MYH9: variants seen among roughly 807,000 people sequenced by gnomAD.
MYH9 encodes the protein myosin-9.
In MYH9, 29 loss-of-function variants were observed where a neutral mutation model predicts 241.9. The observed-to-expected ratio is 0.12, with a 90% confidence interval of 0.09 to 0.16. MYH9 has a LOEUF of 0.16. Among genes scored for constraint, MYH9 ranks in the 10% least tolerant of loss-of-function variants. MYH9 has a pLI of 1.00. For synonymous variants in MYH9, 1,047 were observed against 1,062.6 expected, an observed-to-expected ratio of 0.99 and a Z score of 0.29; for missense variants, 1,803 against 2,595.5, an observed-to-expected ratio of 0.69 and a Z score of 6.63.
chr22:36,294,302 G>T lies in MYH9; in HGVS notation c.3631-4C>A. On this transcript the variant is annotated splice_polypyrimidine_tract_variant and splice_region_variant and intron_variant, in intron 27 of 40. Coordinates refer to ENST00000216181, the MANE Select transcript of MYH9 (RefSeq NM_002473.6). ...CCTTCTCGAGGTTTGCTTTCACCTA[G>T]CAGGGAAGAAAGCAAAGACGTGAGT... 2 of 1,613,394 alleles carry T rather than the reference G, an allele frequency of 1.2e-6. No individual in the cohort carries two copies. Among genetic ancestry groups the T allele is most frequent in the Non-Finnish European group, 1.7e-6 (2 of 1,180,008 alleles).
At chr22:36,340,803 G>T (rs1049308587) in intron 3 of MYH9, among the ~76,000 whole-genome samples, 2 of 152,314 alleles carry the variant, frequency 1.3e-5, no homozygotes, top group African/African-American at 4.8e-5. Flanking sequence ...TCTGGAGAAG[G>T]GGTGGGGACA....
chr22:36,286,078 C>T (rs2016575464), intron 35 of MYH9, 125 bp from the exon 36 acceptor site: 2 of 967,990 alleles, frequency 2.1e-6, no homozygotes, highest in East Asian at 5.2e-5. Context: ...GCCCTTCCTC[C>T]AGAAACCCTC....
intron 5 of MYH9, among the ~76,000 whole-genome samples, 194 bp from the exon 6 acceptor site, chr22:36,322,715 G>A (rs892042518): frequency 7.2e-5 from 11 of 152,252 alleles, no homozygotes; most frequent in Admixed American, 4.6e-4. Context: ...CGGCCTTCCC[G>A]CCAGGCTTTG....
chr22:36,285,079 T>C lies in MYH9; in HGVS notation c.5483+42A>G. 6.3e-7 allele frequency: 1 copy of C among 1,599,488 alleles called. No homozygotes were observed. Among genetic ancestry groups the C allele is most frequent in the Non-Finnish European group, 8.5e-7 (1 of 1,170,126 alleles). On this transcript the variant is annotated intron_variant, in intron 38 of 40. Coordinates refer to ENST00000216181, the MANE Select transcript of MYH9 (RefSeq NM_002473.6). This position sits in a 1 kb window ranked among gnomAD's most constrained non-coding sequence, Gnocchi z 7.0. ...CAGGACTGCAGGGGGGCCAGAGTTT[T>C]TTCCAGGACAGCTGGGGTTGGGCGG...
Position 36,341,479 on chromosome 22 carries a change from C to A in MYH9, c.381G>T (p.Leu127=). 1 of 1,614,212 alleles carries A rather than the reference C, an allele frequency of 6.2e-7. No homozygotes were observed. Among genetic ancestry groups the A allele is most frequent in the South Asian group, 1.1e-5 (1 of 91,082 alleles). The change falls in exon 3 of 41, where the codon CTG becomes CTT. Residue 127 remains leucine, a synonymous_variant. Coordinates refer to ENST00000216181, the MANE Select transcript of MYH9 (RefSeq NM_002473.6). The part of the protein sequence containing the change: ...FCVVINPYKN[L]PIYSEEIVEM... Reference sequence around the variant, plus strand: ...CCACAATCTCTTCAGAGTAGATGGGCAGGTTCTTGTAAGGATTGATGACCA... The same window carrying A: ...CCACAATCTCTTCAGAGTAGATGGGAAGGTTCTTGTAAGGATTGATGACCA...
At chr22:36,338,315 T>C (rs916386850) in intron 3 of MYH9, among the ~76,000 whole-genome samples, 7 of 151,590 alleles carry the variant, frequency 4.6e-5, no homozygotes, top group South Asian at 2.1e-4. Context: ...AGAAGGAAAA[T>C]AGCCTAGAGA....
intron 15 of MYH9, among the ~76,000 whole-genome samples, chr22:36,309,055 A>T (rs900518204): frequency 6.6e-6 from 1 of 152,196 alleles, no homozygotes; most frequent in Non-Finnish European, 1.5e-5. Context: ...ACACACGGAA[A>T]GCGCTCCGCC....
chr22:36,377,155 G>C (rs2018181681), intron 1 of MYH9, among the ~76,000 whole-genome samples: 1 of 152,000 alleles, frequency 6.6e-6, no homozygotes, highest in Non-Finnish European at 1.5e-5. Flanking sequence ...CGGAGTTACA[G>C]CATAGGGACA....
chr22:36,294,142 C>T lies in MYH9; in HGVS notation c.3787G>A (p.Glu1263Lys), dbSNP rs1163525582. Residue 1263 changes from glutamate (E) to lysine (K), a missense_variant, in exon 28 of 41, where the codon GAG becomes AAG. Glu to Lys is a moderately conservative substitution (Grantham distance 56). Around this residue, in one of 11 missense-constraint regions of MYH9, gnomAD observed 876 missense variants for 1,077.8 expected, o/e 0.81. Transcript: ENST00000216181. ...QLQELQVKFN[E>K]GERVRTELAD... is the part of the protein sequence containing the mutation. ...AGCTCTGTGCGCACGCGCTCTCCCT[C>T]GTTGAACTTGACCTGCAGCTCCTGC... The T allele has an allele frequency of 2.5e-6, 4 of 1,612,342 alleles. No individual in the cohort carries two copies. In the African/African-American group the frequency reaches 4.0e-5, roughly 16 times the overall value.
At chr22:36,383,835 C>T (rs565680698) in intron 1 of MYH9, among the ~76,000 whole-genome samples, 24 of 152,046 alleles carry the variant, frequency 1.6e-4, no homozygotes, top group Non-Finnish European at 3.2e-4. Context: ...TGGCGGGCAC[C>T]TGTAATCCCA....
chr22:36,335,791 G>A (rs2017488880), intron 3 of MYH9, among the ~76,000 whole-genome samples: 2 of 152,330 alleles, frequency 1.3e-5, no homozygotes, highest in Admixed American at 1.3e-4. Flanking sequence ...ACCAGGACAG[G>A]AAATCAGGAG....
At chr22:36,318,856 T>TG (rs1457030316) in intron 10 of MYH9, among the ~76,000 whole-genome samples, 6 of 151,996 alleles carry the variant, frequency 3.9e-5, no homozygotes, top group African/African-American at 1.2e-4. Context: ...CCCTACCTCC[T>TG]GGCTTCAAGC....
intron 20 of MYH9, chr22:36,302,351 C>T (rs2016892161): frequency 2.0e-6 from 1 of 494,200 alleles, no homozygotes; most frequent in Non-Finnish European, 3.7e-6. Flanking sequence ...CTTGTCTCTA[C>T]TAAAAATCAA....
intron 1 of MYH9, among the ~76,000 whole-genome samples, chr22:36,374,376 C>T (rs951754822): frequency 6.6e-6 from 1 of 152,146 alleles, no homozygotes; most frequent in African/African-American, 2.4e-5. Context: ...AAAAATTAGC[C>T]GGGCATGGCG....
At position 36,376,926 on chromosome 22, in the gene MYH9, G is replaced by A. The variant is rs1056060002; in HGVS notation, c.-20+10881C>T. Reference sequence around the variant, plus strand: ...AAAAATACAAAAATTAGCTGGGTGTGGTGGTGCACACCTGTAATCCCAGCT... The same window carrying A: ...AAAAATACAAAAATTAGCTGGGTGTAGTGGTGCACACCTGTAATCCCAGCT... On this transcript the variant is annotated intron_variant, in intron 1 of 40. Transcript: ENST00000216181. Among the ~76,000 whole-genome samples, 15 of 152,124 alleles carry A rather than the reference G, an allele frequency of 9.9e-5. No homozygotes were observed. In the East Asian group the frequency reaches 2.7e-3, roughly 27 times the overall value.
chr22:36,322,991 T>C (rs1182398698), intron 5 of MYH9, among the ~76,000 whole-genome samples: 2 of 152,180 alleles, frequency 1.3e-5, no homozygotes, highest in Admixed American at 6.5e-5. Context: ...TACACGCTCA[T>C]CTCATCTGTG....
At chr22:36,313,923 C>T (rs56027509) in intron 13 of MYH9, among the ~76,000 whole-genome samples, 52 of 152,296 alleles carry the variant, frequency 3.4e-4, no homozygotes, top group Admixed American at 2.5e-3. Flanking sequence ...TGGGAAAAGC[C>T]CAGCCCACAG....
chr22:36,358,354 C>T (rs1057226875), intron 1 of MYH9, among the ~76,000 whole-genome samples: 1 of 152,248 alleles, frequency 6.6e-6, no homozygotes, highest in East Asian at 1.9e-4. Context: ...TGTCAGCCAC[C>T]GCACCAGGCC....
intron 27 of MYH9, 107 bp downstream of exon 27, chr22:36,294,825 G>A (rs1406695864): frequency 2.1e-5 from 31 of 1,497,584 alleles, no homozygotes; most frequent in Non-Finnish European, 2.7e-5. Flanking sequence ...CTCAGAACCA[G>A]GCAGTTGGGT....
Sources: allele counts gnomAD v4.1 joint callset (sites outside exome capture counted in the v4.1 genomes callset), GRCh38; gene constraint gnomAD v4.1.1; regional missense constraint gnomAD v4.1.1; non-coding constraint Gnocchi (gnomAD v3.1); transcripts MANE v1.5; gene names NCBI Gene and HGNC (gene_info 2026-07-23, HGNC 2026-07-21).